Variants in PDS5A observed in about 807,000 individuals in gnomAD.
PDS5A encodes the protein sister chromatid cohesion protein PDS5 homolog A.
A neutral mutation model predicts 167.1 loss-of-function variants in PDS5A; 42 were observed. The ratio of observed to expected loss-of-function variants is 0.25; its 90% CI spans 0.20 to 0.33. The LOEUF (loss-of-function observed/expected upper bound fraction) is 0.33. Ranked by LOEUF, PDS5A falls within the 10% of genes least tolerant of loss-of-function variation. The pLI, the probability that PDS5A is intolerant of heterozygous loss-of-function variation, is 1.00. For missense variants in PDS5A, 1,033 were observed against 1,605.9 expected, an observed-to-expected ratio of 0.64 and a Z score of 6.10; for synonymous variants, 553 against 554.6, an observed-to-expected ratio of 1.00 and a Z score of 0.04.
chr4:39,915,367 T>TTG (rs1724274436), intron 8 of PDS5A, among the ~76,000 whole-genome samples: 1 of 117,710 alleles, frequency 8.5e-6, no homozygotes, highest in East Asian at 2.8e-4. Context: ...TTTTTTTTTT[T>TTG]GGGTGAGACA....
At chr4:39,888,920 TTTAAGGTGATGTATATCAC>T (rs1721729786) in intron 17 of PDS5A, among the ~76,000 whole-genome samples, 1 of 152,202 alleles carries the variant, frequency 6.6e-6, no homozygotes, top group Admixed American at 6.5e-5. Context: ...AAGATGAATA[TTTAAGGTGATGTATATCAC>T]CAATACACTG....
At chr4:39,828,485 A>C (rs544646408) in intron 32 of PDS5A, among the ~76,000 whole-genome samples, 163 of 152,314 alleles carry the variant, frequency 1.1e-3, no homozygotes, top group Non-Finnish European at 1.7e-3. Context: ...GAGGGTTAGC[A>C]CTTGCCACAT....
chr4:39,932,456 C>A (rs1726163849), intron 2 of PDS5A: 2 of 216,106 alleles, frequency 9.3e-6, no homozygotes, highest in South Asian at 9.4e-5. Flanking sequence ...TAAATACACA[C>A]AACCAAGGGG....
intron 17 of PDS5A, among the ~76,000 whole-genome samples, chr4:39,883,281 A>T (rs935058998): frequency 6.6e-6 from 1 of 151,994 alleles, no homozygotes; most frequent in Non-Finnish European, 1.5e-5. Context: ...CCCAGGTTCA[A>T]GTGATTCTCA....
intron 2 of PDS5A, among the ~76,000 whole-genome samples, chr4:39,935,072 C>T (rs370413189): frequency 1.8e-4 from 28 of 152,154 alleles, no homozygotes; most frequent in African/African-American, 6.5e-4. Flanking sequence ...TGTGTCCTAC[C>T]TAAGAAATCA....
intron 31 of PDS5A, among the ~76,000 whole-genome samples, chr4:39,840,365 C>T (rs114869433): frequency 3.5e-4 from 54 of 152,272 alleles, no homozygotes; most frequent in African/African-American, 1.3e-3. Context: ...TCGTCAAGCA[C>T]GGCTCACGCC....
chr4:39,921,798 T>C (rs1033776877), intron 6 of PDS5A, among the ~76,000 whole-genome samples: 1 of 152,090 alleles, frequency 6.6e-6, no homozygotes, highest in Admixed American at 6.6e-5. Flanking sequence ...AAACCAAATA[T>C]ACTGTCTTAA....
At chr4:39,842,909 T>TTTTATATATATATATATATATATATA (rs751901010) in intron 30 of PDS5A, among the ~76,000 whole-genome samples, 4 of 92,312 alleles carry the variant, frequency 4.3e-5, no homozygotes, top group Non-Finnish European at 7.8e-5. Context: ...TATCCTATTT[T>TTTTATATATATATATATATATATATA]TATATATATA....
intron 19 of PDS5A, 59 bp from the exon 20 acceptor site, chr4:39,874,471 T>G: frequency 7.1e-7 from 1 of 1,410,776 alleles, no homozygotes; most frequent in Non-Finnish European, 1.0e-6. Flanking sequence ...CAAGTATTCC[T>G]TTGGTTGACT....
At chr4:39,916,815 G>A (rs973595606) in intron 8 of PDS5A, among the ~76,000 whole-genome samples, 3 of 151,766 alleles carry the variant, frequency 2.0e-5, no homozygotes, top group South Asian at 2.1e-4. Context: ...GCAGTGAGCC[G>A]AGACTGCGCC....
chr4:39,898,543 G>T lies in PDS5A; in HGVS notation c.1631-15C>A. 1 of 1,454,006 alleles carries T rather than the reference G, an allele frequency of 6.9e-7. No homozygotes were observed. The highest frequency in any genetic ancestry group is 1.4e-5 in the South Asian group (1 of 72,140). The allele number at this position is 1,454,006 out of a possible 1,614,324, so 90.1% of individuals were successfully genotyped here. A position where few individuals can be genotyped will look rare whatever the true frequency, so the allele number is the denominator to read the frequency against. ...AGGCAAATTCTCTATAAAATTAAAA[G>T]AGAATCAATATTAGAGAAGGAAAAA... On this transcript the variant is annotated splice_polypyrimidine_tract_variant and intron_variant, in intron 15 of 32. Transcript: ENST00000303538.
At position 39,825,228 on chromosome 4, in the gene PDS5A, G is replaced by C. The variant is rs1040706588; in HGVS notation, c.*257C>G. ...CAATTTGCTTAATTATTGACTTTTC[G>C]TAAGAAAAGTCTAGGGGAAGGGGGA... On this transcript the variant is annotated 3_prime_UTR_variant, in exon 33 of 33. Coordinates refer to ENST00000303538, the MANE Select transcript of PDS5A (RefSeq NM_001100399.2). 2.7e-6 allele frequency: 1 copy of C among 375,252 alleles called. No individual in the cohort carries two copies. The highest frequency in any genetic ancestry group is 4.5e-5 in the Admixed American group (1 of 22,440). The allele number at this position is 375,252 out of a possible 1,614,324, so 23.2% of individuals were successfully genotyped here.
chr4:39,937,404 T>C (rs1452807477), intron 2 of PDS5A, among the ~76,000 whole-genome samples: 1 of 152,138 alleles, frequency 6.6e-6, no homozygotes, highest in Admixed American at 6.6e-5. Flanking sequence ...AATACAGCTA[T>C]TAAAAATTTT....
chr4:39,838,028 C>T lies in PDS5A; in HGVS notation c.3838G>A (p.Gly1280Ser). The T allele has an allele frequency of 1.2e-6, 2 of 1,613,928 alleles. No homozygotes were observed. The highest frequency in any genetic ancestry group is 2.2e-5 in the East Asian group (1 of 44,884). ...RGRRPKSESQ[G>S]NATKNDDLNK... The stretch of plus-strand genomic sequence containing the variant: ...AGATCATCATTTTTGGTAGCATTGC[C>T]CTGAGATTCAGACTTGGGTCGACGT... Residue 1280 changes from glycine to serine, a missense_variant, in exon 32 of 33, where the codon GGC becomes AGC. By Grantham distance (56) the Gly-to-Ser change is moderately conservative. Around this residue, in one of 4 missense-constraint regions of PDS5A, gnomAD observed 233 missense variants for 264.0 expected, o/e 0.88. Transcript: ENST00000303538.
In PDS5A at chr4:39,927,942, T is replaced by C; in HGVS notation, c.342+19A>G. The C allele has an allele frequency of 6.4e-7, 1 of 1,552,536 alleles. No individual in the cohort carries two copies. Reference sequence around the variant, plus strand: ...GTGGTGAATGAAAAATACAATAAAGTGAAAAAGGCTGTATTTACCTTAAGT... The same window carrying C: ...GTGGTGAATGAAAAATACAATAAAGCGAAAAAGGCTGTATTTACCTTAAGT... On this transcript the variant is annotated intron_variant, in intron 3 of 32. Coordinates refer to ENST00000303538, the MANE Select transcript of PDS5A (RefSeq NM_001100399.2).
At chr4:39,892,781 C>T (rs1722085930) in intron 16 of PDS5A, among the ~76,000 whole-genome samples, 1 of 152,074 alleles carries the variant, frequency 6.6e-6, no homozygotes, top group South Asian at 2.1e-4. Context: ...AAGTGTAGTC[C>T]ATAAACCACT....
intron 17 of PDS5A, among the ~76,000 whole-genome samples, chr4:39,882,169 T>C (rs1398202939): frequency 6.6e-6 from 1 of 152,178 alleles, no homozygotes; most frequent in African/African-American, 2.4e-5. Context: ...AATAAAAATG[T>C]AAAAATCTGA....
At chr4:39,947,464 A>C (rs530533724) in intron 2 of PDS5A, among the ~76,000 whole-genome samples, 2 of 152,234 alleles carry the variant, frequency 1.3e-5, no homozygotes, top group Admixed American at 6.5e-5. Flanking sequence ...GAAAAAAAAG[A>C]GAGAGGAAAC....
intron 2 of PDS5A, among the ~76,000 whole-genome samples, chr4:39,964,716 C>A (rs1729813820): frequency 6.7e-6 from 1 of 150,278 alleles, no homozygotes; most frequent in African/African-American, 2.5e-5. Context: ...ATAAAATATG[C>A]CCTGGTGTGG....
Sources: gnomAD v4.1 joint callset for allele counts (sites outside exome capture counted in the v4.1 genomes callset) on GRCh38, gnomAD v4.1.1 for gene constraint, gnomAD v4.1.1 regional missense constraint, MANE v1.5 for transcripts, NCBI Gene and HGNC (gene_info 2026-07-23, HGNC 2026-07-21) for gene names.